The following RBKS variants were observed in gnomAD, a reference collection of about 807,000 sequenced individuals.
RBKS encodes ribokinase.
In RBKS, 33 loss-of-function variants were observed where a neutral mutation model predicts 33.9. The ratio of observed to expected loss-of-function variants is 0.97; its 90% CI spans 0.74 to 1.30. The LOEUF (loss-of-function observed/expected upper bound fraction) is 1.30, where lower values mean the gene tolerates loss of function less well. RBKS is among the 50% of genes most tolerant of loss of function. The pLI, the probability that RBKS is intolerant of heterozygous loss-of-function variation, is 0.00. For synonymous variants in RBKS, 125 were observed against 143.0 expected, an observed-to-expected ratio of 0.87 and a Z score of 0.90; for missense variants, 361 against 392.6, an observed-to-expected ratio of 0.92 and a Z score of 0.68.
Position 27,882,856 on chromosome 2 carries a change from T to C in RBKS, c.89+7401A>G, listed in dbSNP as rs149408963. Among the ~76,000 whole-genome samples, 760 of 152,226 alleles carry C rather than the reference T, an allele frequency of 5.0e-3. 6 individuals carry two copies. The highest frequency in any genetic ancestry group is 0.017 in the African/African-American group (717 of 41,518). On this transcript the variant is annotated intron_variant, in intron 1 of 7. Coordinates refer to ENST00000302188, the MANE Select transcript of RBKS (RefSeq NM_022128.3). The stretch of plus-strand genomic sequence containing the variant: ...AAGCTAAATACTGCATGTTCTTACT[T>C]ATAAGTGGGAGCTAAATGATGAGAA...
chr2:27,852,376 G>A (rs1663767880), intron 2 of RBKS, among the ~76,000 whole-genome samples: 2 of 152,128 alleles, frequency 1.3e-5, no homozygotes, highest in African/African-American at 4.8e-5. Flanking sequence ...CAAGGGTCAT[G>A]GAAAGCAAAA....
At chr2:27,811,838 G>C (rs1677992026) in intron 7 of RBKS, among the ~76,000 whole-genome samples, 1 of 152,148 alleles carries the variant, frequency 6.6e-6, no homozygotes, top group South Asian at 2.1e-4. Context: ...TAATGGCCAT[G>C]TTTGGACAAA....
At chr2:27,829,067 T>C (rs1196323972) in intron 6 of RBKS, among the ~76,000 whole-genome samples, 1 of 152,044 alleles carries the variant, frequency 6.6e-6, no homozygotes, top group East Asian at 1.9e-4. Context: ...AATCTTTTAT[T>C]TTTGTAGAGA....
At chr2:27,848,838 C>CAAA (rs58195900) in intron 2 of RBKS, among the ~76,000 whole-genome samples, 6 of 95,468 alleles carry the variant, frequency 6.3e-5, no homozygotes, top group East Asian at 2.4e-4. Context: ...GAGACTGTCT[C>CAAA]AAAAAAAAAA....
chr2:27,840,327 T>C (rs1028328484), intron 5 of RBKS, among the ~76,000 whole-genome samples: 2 of 117,810 alleles, frequency 1.7e-5, no homozygotes, highest in Non-Finnish European at 3.5e-5. Flanking sequence ...GATGATGCAT[T>C]ACACACACAC....
intron 5 of RBKS, among the ~76,000 whole-genome samples, chr2:27,835,233 G>T (rs1341245021): frequency 6.7e-6 from 1 of 149,400 alleles, no homozygotes; most frequent in South Asian, 2.1e-4. Flanking sequence ...CTGAGATCGC[G>T]TCATTGCACT....
At position 27,827,707 on chromosome 2, in the gene RBKS, C is replaced by A. The variant is rs141229815; in HGVS notation, c.655G>T (p.Glu219Ter). The change falls in exon 7 of 8, where the codon GAG (glutamate) becomes TAG (stop). Residue 219 changes from glutamate to a stop codon, truncating the protein, a stop_gained. Transcript: ENST00000302188. LOFTEE classifies it high-confidence loss of function. ...LTVGSAADAG[E>*]AALVLLKRGC... The stretch of plus-strand genomic sequence containing the variant: ...CTTTTCAAGAGCACTAATGCAGCCT[C>A]CCCAGCATCTGCAGCGCTGCCCACC... The A allele has an allele frequency of 1.2e-6, 2 of 1,612,974 alleles. No homozygotes were observed. The highest frequency in any genetic ancestry group is 1.7e-6 in the Non-Finnish European group (2 of 1,179,602).
At chr2:27,830,200 AGAGT>A (rs1427459839) in intron 6 of RBKS, among the ~76,000 whole-genome samples, 1 of 152,134 alleles carries the variant, frequency 6.6e-6, no homozygotes, top group Non-Finnish European at 1.5e-5. Context: ...TGTTTGGAGC[AGAGT>A]GAGTATCATA....
intron 2 of RBKS, among the ~76,000 whole-genome samples, chr2:27,857,584 C>T (rs370664441): frequency 5.9e-4 from 90 of 152,212 alleles, no homozygotes; most frequent in East Asian, 2.9e-3. Flanking sequence ...AGTAAATCAC[C>T]GGTTATTACA....
intron 2 of RBKS, among the ~76,000 whole-genome samples, chr2:27,850,069 G>T (rs4666023): frequency 6.6e-6 from 1 of 152,194 alleles, no homozygotes; most frequent in Non-Finnish European, 1.5e-5. Flanking sequence ...GAACTCTACA[G>T]TTGAATCTAC....
In RBKS at chr2:27,781,628, A is replaced by G. The variant is rs146636999; in HGVS notation, c.956T>C (p.Leu319Pro). The G allele has an allele frequency of 7.4e-6, 12 of 1,611,058 alleles. No individual in the cohort carries two copies. In the African/African-American group the frequency reaches 1.3e-4, roughly 18 times the overall value. ...GACTAATAGCAATCAAAACAGAGTA[A>G]GCGGAAGGTCTTTTTTGTAAGGGTA... ...SSYPYKKDLP[L>P]TLF The change falls in exon 8 of 8, where the codon CTT becomes CCT. Residue 319 changes from leucine (L) to proline (P), a missense_variant. Physicochemically the swap from Leu to Pro is moderately conservative, Grantham distance 98 (BLOSUM62 -3). Transcript: ENST00000302188.
At chr2:27,879,366 G>A (rs72854413) in intron 1 of RBKS, among the ~76,000 whole-genome samples, 8,174 of 152,186 alleles carry the variant, frequency 0.054, 623 homozygotes, top group African/African-American at 0.17. Flanking sequence ...AAATGGCACT[G>A]GGAGGTGAGA....
intron 5 of RBKS, among the ~76,000 whole-genome samples, chr2:27,834,834 A>T (rs1289207659): frequency 6.6e-6 from 1 of 152,198 alleles, no homozygotes; most frequent in Admixed American, 6.5e-5. Flanking sequence ...TTTTTCCCTC[A>T]AAGATGCATG....
At chr2:27,822,239 A>C (rs1280812122) in intron 7 of RBKS, among the ~76,000 whole-genome samples, 1 of 152,192 alleles carries the variant, frequency 6.6e-6, no homozygotes, top group Non-Finnish European at 1.5e-5. Context: ...GCCTGGGTTG[A>C]GAAACACCTC....
rs552931515 is a variant in RBKS at position 27,785,772 on chromosome 2, AAAAG to A, written c.796-3988_796-3985del. On this transcript the variant is annotated intron_variant, in intron 7 of 7. Coordinates refer to ENST00000302188, the MANE Select transcript of RBKS (RefSeq NM_022128.3). ...GCGAGACTCCATCTCAAAAAAAAAA[AAAAG>A]AAAGAAAGAAAATGTGTAACGCTCT... 4.5e-4 allele frequency among the ~76,000 whole-genome samples: 69 copies of A among 152,068 alleles called. No homozygotes were observed. The South Asian group carries it at 8.7e-3, about 19-fold the overall frequency.
chr2:27,876,487 A>C (rs1013667553), intron 1 of RBKS, among the ~76,000 whole-genome samples: 1 of 152,154 alleles, frequency 6.6e-6, no homozygotes, highest in Non-Finnish European at 1.5e-5. Context: ...AAATTTAGAT[A>C]ATCTCTATTA....
At position 27,878,180 on chromosome 2, in the gene RBKS, C is replaced by G. The variant is rs543924776; in HGVS notation, c.89+12077G>C. On this transcript the variant is annotated intron_variant, in intron 1 of 7. Coordinates refer to ENST00000302188, the MANE Select transcript of RBKS (RefSeq NM_022128.3). ...ATATCTCCTAATGCTATCCCTCCCC[C>G]CTGCCCCCACCCCACAACAGTCCCC... Among the ~76,000 whole-genome samples, 20 of 151,958 alleles carry G rather than the reference C, an allele frequency of 1.3e-4. 1 individual carries two copies. Among genetic ancestry groups the G allele is most frequent in the African/African-American group, 4.3e-4 (18 of 41,388 alleles).
chr2:27,788,153 C>T (rs1677438165), intron 7 of RBKS, among the ~76,000 whole-genome samples: 1 of 152,146 alleles, frequency 6.6e-6, no homozygotes, highest in African/African-American at 2.4e-5. Context: ...AGACTGAATG[C>T]TTCCTCCCTA....
Position 27,790,128 on chromosome 2 carries a change from C to T in RBKS, c.796-8340G>A, listed in dbSNP as rs941268240. On this transcript the variant is annotated intron_variant, in intron 7 of 7. Transcript: ENST00000302188. ...TACAAGTGTGATTACAGGGATGACA[C>T]TGCACCTGGCCCATGATTTTGAAGC... Among the ~76,000 whole-genome samples, 5 of 151,820 alleles carry T rather than the reference C, an allele frequency of 3.3e-5. No individual in the cohort carries two copies. The South Asian group carries it at 6.3e-4, about 19-fold the overall frequency.
Sources: gnomAD v4.1 joint callset for allele counts (sites outside exome capture counted in the v4.1 genomes callset) on GRCh38, gnomAD v4.1.1 for gene constraint, MANE v1.5 for transcripts, NCBI Gene and HGNC (gene_info 2026-07-23, HGNC 2026-07-21) for gene names.